Variants in TMPO observed in about 807,000 individuals in gnomAD.
TMPO encodes thymopoietin, also known as LEM domain containing 4.
A neutral mutation model predicts 45.4 loss-of-function variants in TMPO; 22 were observed. That is an observed-to-expected ratio of 0.48 (90% CI 0.35 to 0.69). The LOEUF is 0.69. TMPO is among the 30% of genes least tolerant of loss of function. The probability of loss-of-function intolerance (pLI) is 0.01; values close to 1 mark genes in which losing one functional copy is unlikely to be tolerated. For synonymous variants in TMPO, 241 were observed against 204.1 expected (o/e 1.18, Z -1.54); for missense variants, 512 against 548.8 (o/e 0.93, Z 0.67).
chr12:98,525,842 A>C (rs1381043871), intron 1 of TMPO, among the ~76,000 whole-genome samples: 2 of 151,936 alleles, frequency 1.3e-5, no homozygotes, highest in Non-Finnish European at 2.9e-5. Context: ...ATCATGACTG[A>C]TTTTTCCCCC....
intron 1 of TMPO, 164 bp from the exon 2 acceptor site, chr12:98,527,722 T>C (rs574522038): frequency 2.9e-5 from 20 of 690,814 alleles, no homozygotes; most frequent in Non-Finnish European, 4.9e-5. Context: ...ACTTAGAAAG[T>C]GTTCTCCAAT....
intron 4 of TMPO, among the ~76,000 whole-genome samples, chr12:98,537,864 T>C (rs915575867): frequency 1.3e-5 from 2 of 151,932 alleles, no homozygotes; most frequent in Admixed American, 1.3e-4. Flanking sequence ...GGTGGAAATA[T>C]CTAGACACTT....
At chr12:98,517,945 C>T (rs1297020886) in intron 1 of TMPO, among the ~76,000 whole-genome samples, 1 of 152,174 alleles carries the variant, frequency 6.6e-6, no homozygotes, top group Non-Finnish European at 1.5e-5. Context: ...GGTGGATCAC[C>T]TGAGGTCAGG....
In TMPO at chr12:98,534,099, G is replaced by A. The variant is rs373227285; in HGVS notation, c.565+2261G>A. On this transcript the variant is annotated intron_variant, in intron 3 of 8. Coordinates refer to ENST00000556029, the MANE Select transcript of TMPO (RefSeq NM_001032283.3). ...CAGATCCTAGTCGTACCCACCAAGC[G>A]CTTGGGATTCTGAGCAAAACATATG... 1.6e-5 allele frequency: 26 copies of A among 1,612,720 alleles called. No individual in the cohort carries two copies. The highest frequency in any genetic ancestry group is 2.7e-5 in the African/African-American group (2 of 74,902).
chr12:98,519,487 C>A (rs531207291), intron 1 of TMPO, among the ~76,000 whole-genome samples: 1 of 152,164 alleles, frequency 6.6e-6, no homozygotes, highest in Non-Finnish European at 1.5e-5. Context: ...GGATGAGCGA[C>A]GGCACCCAGC....
In TMPO at chr12:98,534,153, A is replaced by G. The variant is rs1167162706; in HGVS notation, c.565+2315A>G. On this transcript the variant is annotated intron_variant, in intron 3 of 8. Transcript: ENST00000556029. ...CAGCCTCATATATTTGTGAAGCTGC[A>G]TTTGATGAAGTGAAGATGGCTGCCC... The G allele has an allele frequency of 1.2e-5, 20 of 1,613,864 alleles. No individual in the cohort carries two copies. Among genetic ancestry groups the G allele is most frequent in the Non-Finnish European group, 1.5e-5 (18 of 1,179,914 alleles).
rs1158497746 is a variant in TMPO, at chr12:98,544,218, A to G, written c.664-12A>G. The G allele has an allele frequency of 1.2e-6, 2 of 1,613,370 alleles. No individual in the cohort carries two copies. Among genetic ancestry groups the G allele is most frequent in the East Asian group, 2.2e-5 (1 of 44,838 alleles). ...TAGAATATGACTTTTTAATGTGTTG[A>G]TGCTTGAATAGAGCTATTCTCAAGC... On this transcript the variant is annotated splice_polypyrimidine_tract_variant and intron_variant, in intron 4 of 8. Transcript: ENST00000556029.
chr12:98,531,235 CTTTT>C (rs1228236045), intron 2 of TMPO, among the ~76,000 whole-genome samples: 1 of 111,086 alleles, frequency 9.0e-6, no homozygotes, highest in African/African-American at 3.4e-5. Context: ...CCACCACGTC[CTTTT>C]TTTTTTTTTT....
chr12:98,535,272 A>G (rs1212165652), intron 3 of TMPO: 2 of 982,792 alleles, frequency 2.0e-6, no homozygotes, highest in Middle Eastern at 5.2e-4. Flanking sequence ...CTAAAAGCAA[A>G]TTAAATTTTT....
chr12:98,541,091 AGTTG>A lies in TMPO; in HGVS notation c.664-3135_664-3132del, dbSNP rs557011327. ...CATCTGTAGCCATTAGGAATTACTAAGTTGGTTCCTGTATTTTTTAATTCCTTCC... is the reference window on the plus strand; with the variant it reads ...CATCTGTAGCCATTAGGAATTACTAAGTTCCTGTATTTTTTAATTCCTTCC... On this transcript the variant is annotated intron_variant, in intron 4 of 8. Transcript: ENST00000556029. Among the ~76,000 whole-genome samples, 3 of 152,242 alleles carry A rather than the reference AGTTG, an allele frequency of 2.0e-5. No individual in the cohort carries two copies. The East Asian group carries it at 5.8e-4, about 29-fold the overall frequency.
intron 1 of TMPO, among the ~76,000 whole-genome samples, chr12:98,522,094 T>TA (rs1242586031): frequency 2.6e-5 from 4 of 152,086 alleles, no homozygotes; most frequent in African/African-American, 9.7e-5. Context: ...AGTGCAGTGG[T>TA]ATGATCATAG....
chr12:98,526,681 C>T (rs1340784142), intron 1 of TMPO, among the ~76,000 whole-genome samples: 3 of 152,062 alleles, frequency 2.0e-5, no homozygotes, highest in Non-Finnish European at 4.4e-5. Context: ...CATTTCTGGC[C>T]GGGCGCAGTG....
chr12:98,533,570 A>T, intron 3 of TMPO: 1 of 1,614,206 alleles, frequency 6.2e-7, no homozygotes, highest in South Asian at 1.1e-5. Flanking sequence ...AAGTCAGTGG[A>T]GGAAAGGGAT....
In TMPO at chr12:98,516,161, C is replaced by T; in HGVS notation, c.279+15C>T. 2 of 1,376,034 alleles carry T rather than the reference C, an allele frequency of 1.5e-6. No individual in the cohort carries two copies. The highest frequency in any genetic ancestry group is 2.3e-4 in the Middle Eastern group (1 of 4,322). 85.2% of individuals were successfully genotyped at this position (1,376,034 alleles called of 1,614,324 possible). A position where few individuals can be genotyped will look rare whatever the true frequency, so the allele number is the denominator to read the frequency against. The stretch of plus-strand genomic sequence containing the variant: ...CCGTCGGCAGGGTAAGGACGCGGGG[C>T]CGGGGCTACAAAGGCGGGCGTTTGG... On this transcript the variant is annotated intron_variant, in intron 1 of 8. Coordinates refer to ENST00000556029, the MANE Select transcript of TMPO (RefSeq NM_001032283.3).
intron 1 of TMPO, among the ~76,000 whole-genome samples, chr12:98,523,306 C>G (rs897946958): frequency 6.6e-6 from 1 of 152,166 alleles, no homozygotes; most frequent in African/African-American, 2.4e-5. Flanking sequence ...GTAATCCCAG[C>G]ACTTTGGGAG....
chr12:98,530,002 T>G (rs906968327), intron 2 of TMPO, among the ~76,000 whole-genome samples: 9 of 152,212 alleles, frequency 5.9e-5, no homozygotes, highest in Non-Finnish European at 1.0e-4. Flanking sequence ...CATATACAAG[T>G]ACCAACAGAT....
intron 8 of TMPO, 48 bp downstream of exon 8, chr12:98,546,495 C>CTT: frequency 7.5e-7 from 1 of 1,324,578 alleles, no homozygotes; most frequent in Non-Finnish European, 1.1e-6. Context: ...AGTAGGGAAT[C>CTT]TTTATTTTTA....
chr12:98,544,229 G>A lies in TMPO; in HGVS notation c.664-1G>A. 6.2e-7 allele frequency: 1 copy of A among 1,613,606 alleles called. No homozygotes were observed. The highest frequency in any genetic ancestry group is 8.5e-7 in the Non-Finnish European group (1 of 1,179,728). ...TTTTTAATGTGTTGATGCTTGAATA[G>A]AGCTATTCTCAAGCTGGAATAACTG... On this transcript the variant is annotated splice_acceptor_variant, in intron 4 of 8. Transcript: ENST00000556029. LOFTEE classifies it high-confidence loss of function.
chr12:98,531,119 T>C (rs1168269370), intron 2 of TMPO, among the ~76,000 whole-genome samples: 1 of 151,978 alleles, frequency 6.6e-6, no homozygotes, highest in African/African-American at 2.4e-5. Flanking sequence ...TTTGTATTTG[T>C]GGTAGAGACT....
Sources: allele counts gnomAD v4.1 joint callset (sites outside exome capture counted in the v4.1 genomes callset), GRCh38; gene constraint gnomAD v4.1.1; transcripts MANE v1.5; gene names NCBI Gene and HGNC (gene_info 2026-07-23, HGNC 2026-07-21).